Variants in SLC24A2 observed in about 807,000 individuals in gnomAD.
The protein encoded by SLC24A2 is solute carrier family 24 member 2.
A neutral mutation model predicts 62.0 loss-of-function variants in SLC24A2; 36 were observed. That is an observed-to-expected ratio of 0.58 (90% confidence interval 0.44 to 0.77). The LOEUF (loss-of-function observed/expected upper bound fraction) is 0.77. Among genes scored for constraint, SLC24A2 ranks in the 30% least tolerant of loss-of-function variants. SLC24A2 has a pLI of 0.00. For synonymous variants in SLC24A2, 358 were observed against 294.0 expected, an observed-to-expected ratio of 1.22 and a Z score of -2.23; for missense variants, 846 against 817.9, an observed-to-expected ratio of 1.03 and a Z score of -0.42.
the SLC24A2 span, among the ~76,000 whole-genome samples, chr9:20,121,899 C>T: frequency 3.0e-4 from 46 of 152,290 alleles, no homozygotes; most frequent in Middle Eastern, 3.4e-3. Context: ...CCTTATACAT[C>T]TAGAGCTTTA....
At chr9:19,956,449 T>A in the SLC24A2 span, among the ~76,000 whole-genome samples, 1 of 152,166 alleles carries the variant, frequency 6.6e-6, no homozygotes, top group East Asian at 1.9e-4. Flanking sequence ...TGGTTGTGAT[T>A]AGGTCATTGT....
chr9:19,820,358 A>G, the SLC24A2 span, among the ~76,000 whole-genome samples: 1 of 150,750 alleles, frequency 6.6e-6, no homozygotes, highest in Non-Finnish European at 1.5e-5. Flanking sequence ...TGATGGGTGC[A>G]CTAAAATCTC....
the SLC24A2 span, among the ~76,000 whole-genome samples, chr9:20,021,926 T>C: frequency 1.3e-4 from 20 of 152,196 alleles, no homozygotes; most frequent in Non-Finnish European, 2.6e-4. Context: ...GTTAAACTCC[T>C]GCCATGATCC....
At chr9:20,161,702 A>G in the SLC24A2 span, among the ~76,000 whole-genome samples, 2 of 151,334 alleles carry the variant, frequency 1.3e-5, no homozygotes, top group Non-Finnish European at 3.0e-5. Flanking sequence ...AGAATGATGC[A>G]TATTTCTTCA....
the SLC24A2 span, among the ~76,000 whole-genome samples, chr9:20,113,510 C>G: frequency 6.6e-6 from 1 of 152,102 alleles, no homozygotes; most frequent in African/African-American, 2.4e-5. Flanking sequence ...TCTTGACATG[C>G]TGAAACTTAG....
At chr9:20,009,660 GT>G in the SLC24A2 span, among the ~76,000 whole-genome samples, 2 of 152,160 alleles carry the variant, frequency 1.3e-5, no homozygotes, top group Non-Finnish European at 2.9e-5. Context: ...AGGAACATCT[GT>G]CCCTGTCCAA....
At chr9:20,127,948 A>C in the SLC24A2 span, among the ~76,000 whole-genome samples, 4 of 151,952 alleles carry the variant, frequency 2.6e-5, no homozygotes, top group African/African-American at 9.7e-5. Flanking sequence ...TTTTTAAGGG[A>C]AAGTGGGTGC....
the SLC24A2 span, among the ~76,000 whole-genome samples, chr9:20,244,922 TA>T: frequency 1.3e-5 from 2 of 152,136 alleles, no homozygotes; most frequent in Admixed American, 6.5e-5. Flanking sequence ...CATCTCATTT[TA>T]AACATTTTGC....
the SLC24A2 span, among the ~76,000 whole-genome samples, chr9:19,925,200 G>C: frequency 6.6e-6 from 1 of 152,218 alleles, no homozygotes; most frequent in Non-Finnish European, 1.5e-5. Flanking sequence ...GGTCTAGGCT[G>C]CACCTTTATC....
At chr9:19,972,058 A>T in the SLC24A2 span, among the ~76,000 whole-genome samples, 3 of 152,112 alleles carry the variant, frequency 2.0e-5, no homozygotes, top group African/African-American at 7.2e-5. Context: ...ACCAAACAAC[A>T]AACAAGTTGA....
chr9:20,187,590 G>A, the SLC24A2 span, among the ~76,000 whole-genome samples: 11,600 of 152,164 alleles, frequency 0.076, 585 homozygotes, highest in East Asian at 0.16. Flanking sequence ...TGTTCATGCT[G>A]CTCTGTCTCC....
At chr9:19,565,820 A>G (rs562363272) in intron 7 of SLC24A2, among the ~76,000 whole-genome samples, 1 of 152,266 alleles carries the variant, frequency 6.6e-6, no homozygotes, top group African/African-American at 2.4e-5. Context: ...ACACATCTAT[A>G]ACCATCTGAT....
chr9:19,767,154 C>G (rs1384250176), intron 2 of SLC24A2, among the ~76,000 whole-genome samples: 1 of 152,156 alleles, frequency 6.6e-6, no homozygotes, highest in African/African-American at 2.4e-5. Flanking sequence ...CGATCAAGCT[C>G]AAGTGTTCCA....
chr9:19,601,793 TA>T (rs1836848082), intron 4 of SLC24A2, among the ~76,000 whole-genome samples: 1 of 152,202 alleles, frequency 6.6e-6, no homozygotes, highest in Non-Finnish European at 1.5e-5. Context: ...GCAAGTTACC[TA>T]ATGTATTTGA....
chr9:19,875,706 A>G, the SLC24A2 span, among the ~76,000 whole-genome samples: 2 of 152,258 alleles, frequency 1.3e-5, no homozygotes, highest in African/African-American at 4.8e-5. Context: ...TGTGAACTAC[A>G]GTGAGAAATA....
At chr9:19,738,925 T>C (rs1288225314) in intron 2 of SLC24A2, among the ~76,000 whole-genome samples, 2 of 152,138 alleles carry the variant, frequency 1.3e-5, no homozygotes, top group Non-Finnish European at 2.9e-5. Flanking sequence ...CAGACCAGCC[T>C]GGCCAATATG....
At chr9:19,846,414 T>C in the SLC24A2 span, among the ~76,000 whole-genome samples, 2 of 152,194 alleles carry the variant, frequency 1.3e-5, no homozygotes, top group African/African-American at 2.4e-5. Flanking sequence ...ATAAGGACAC[T>C]TGTTCTTTTC....
chr9:20,056,372 A>G, the SLC24A2 span, among the ~76,000 whole-genome samples: 1 of 152,220 alleles, frequency 6.6e-6, no homozygotes, highest in African/African-American at 2.4e-5. Flanking sequence ...TCAAAGTCAC[A>G]TTGTTAGACA....
chr9:19,756,527 TGAC>T (rs1483959186), intron 2 of SLC24A2, among the ~76,000 whole-genome samples: 21 of 152,220 alleles, frequency 1.4e-4, no homozygotes, highest in Admixed American at 1.4e-3. Context: ...AATTTGATGC[TGAC>T]AACAATATTT....
Sources: allele counts gnomAD v4.1 joint callset (sites outside exome capture counted in the v4.1 genomes callset), GRCh38; gene constraint gnomAD v4.1.1; transcripts MANE v1.5; gene names NCBI Gene and HGNC (gene_info 2026-07-23, HGNC 2026-07-21).